Variants in GRIA2 observed in about 807,000 individuals in gnomAD.
The protein encoded by GRIA2 is glutamate ionotropic receptor AMPA type subunit 2.
GRIA2 carries 14 observed loss-of-function variants against 97.3 expected under a neutral mutation model. That is an observed-to-expected ratio of 0.14 (90% CI 0.10 to 0.23). GRIA2 has a LOEUF of 0.23. Ranked by LOEUF, GRIA2 falls within the 10% of genes least tolerant of loss-of-function variation. The pLI is 1.00. For missense variants in GRIA2, 558 were observed against 1,069.8 expected (o/e 0.52, Z 6.67); for synonymous variants, 412 against 387.8 (o/e 1.06, Z -0.73).
chr4:157,239,339 A>G (rs1730395117), intron 2 of GRIA2, among the ~76,000 whole-genome samples: 2 of 151,988 alleles, frequency 1.3e-5, no homozygotes, highest in South Asian at 4.2e-4. Flanking sequence ...GACTTTTTAA[A>G]AGGTACTGTT....
At chr4:157,261,983 G>A (rs1159849041) in intron 2 of GRIA2, among the ~76,000 whole-genome samples, 1 of 151,968 alleles carries the variant, frequency 6.6e-6, no homozygotes, top group Non-Finnish European at 1.5e-5. Flanking sequence ...ATGCTCAAAA[G>A]TTTTGATGAA....
intron 6 of GRIA2, among the ~76,000 whole-genome samples, chr4:157,322,709 G>T (rs1409001083): frequency 6.6e-6 from 1 of 152,136 alleles, no homozygotes; most frequent in African/African-American, 2.4e-5. Flanking sequence ...AAAATTAAGA[G>T]CAAAAGTTGA....
At chr4:157,312,332 T>C (rs1468163411) in intron 3 of GRIA2, among the ~76,000 whole-genome samples, 1 of 152,066 alleles carries the variant, frequency 6.6e-6, no homozygotes, top group African/African-American at 2.4e-5. Flanking sequence ...GAGTAAGAAA[T>C]GTTTGTGATG....
chr4:157,313,751 G>C (rs925637998), intron 4 of GRIA2, among the ~76,000 whole-genome samples: 1 of 151,800 alleles, frequency 6.6e-6, no homozygotes, highest in Admixed American at 6.6e-5. Context: ...GTATATGTGT[G>C]TGTATACATA....
At chr4:157,307,815 G>C (rs779099923) in intron 3 of GRIA2, among the ~76,000 whole-genome samples, 13 of 152,100 alleles carry the variant, frequency 8.5e-5, no homozygotes, top group Non-Finnish European at 1.6e-4. Context: ...TCCTCTGAAG[G>C]GAAGGCACTT....
At chr4:157,272,370 A>C (rs975643150) in intron 2 of GRIA2, among the ~76,000 whole-genome samples, 4 of 152,016 alleles carry the variant, frequency 2.6e-5, no homozygotes, top group Non-Finnish European at 5.9e-5. Flanking sequence ...CACCCCTAAA[A>C]CTGGAGAGAC....
intron 5 of GRIA2, among the ~76,000 whole-genome samples, chr4:157,320,140 C>T (rs916075622): frequency 6.6e-6 from 1 of 152,020 alleles, no homozygotes; most frequent in Non-Finnish European, 1.5e-5. Flanking sequence ...ATAGAAATCT[C>T]TAGCATTGAA....
intron 12 of GRIA2, among the ~76,000 whole-genome samples, chr4:157,358,074 T>G (rs2126994443): frequency 6.6e-6 from 1 of 152,300 alleles, no homozygotes; most frequent in Middle Eastern, 3.4e-3. Flanking sequence ...GTTCCAAAAT[T>G]GTGATATTGA....
rs565600424 is a variant in GRIA2 at position 157,324,292 on chromosome 4, G to A, written c.882+2693G>A. Among the ~76,000 whole-genome samples, 3 of 152,276 alleles carry A rather than the reference G, an allele frequency of 2.0e-5. No individual in the cohort carries two copies. The South Asian group carries it at 6.2e-4, about 32-fold the overall frequency. ...AATCTGTGAGGAGAATGTGTTTGGG[G>A]AGGAAGTTTATCCTAACAAAGAAAT... On this transcript the variant is annotated intron_variant, in intron 6 of 15. Coordinates refer to ENST00000264426, the MANE Select transcript of GRIA2 (RefSeq NM_001083619.3).
chr4:157,308,997 G>T (rs1291318493), intron 3 of GRIA2, among the ~76,000 whole-genome samples: 1 of 152,082 alleles, frequency 6.6e-6, no homozygotes, highest in Non-Finnish European at 1.5e-5. Flanking sequence ...TTGAGAGTCA[G>T]TTACTATTAC....
intron 2 of GRIA2, among the ~76,000 whole-genome samples, chr4:157,224,106 T>A (rs372569556): frequency 6.6e-6 from 1 of 152,180 alleles, no homozygotes; most frequent in East Asian, 1.9e-4. Flanking sequence ...ATTTAATTTG[T>A]CCATAGTTCT....
In GRIA2 at chr4:157,364,285, T is replaced by C. The variant is rs1431468649; in HGVS notation, c.*854T>C. Reference sequence around the variant, plus strand: ...TTGAAATAAACATTTTTCTATTGTTTTATTGCAAGTGGTCCAATTAATTTT... The same window carrying C: ...TTGAAATAAACATTTTTCTATTGTTCTATTGCAAGTGGTCCAATTAATTTT... On this transcript the variant is annotated 3_prime_UTR_variant, in exon 16 of 16. Transcript: ENST00000264426. 6.6e-6 allele frequency: 1 copy of C among 152,448 alleles called. No homozygotes were observed. Among genetic ancestry groups the C allele is most frequent in the African/African-American group, 2.4e-5 (1 of 41,430 alleles). The allele number at this position is 152,448 out of a possible 1,614,324, so 9.4% of individuals were successfully genotyped here. A position where few individuals can be genotyped will look rare whatever the true frequency, so the allele number is the denominator to read the frequency against.
At chr4:157,334,376 T>C (rs897414492) in intron 9 of GRIA2, 8 of 357,124 alleles carry the variant, frequency 2.2e-5, no homozygotes, top group South Asian at 6.8e-5. Context: ...CGGTGAACAA[T>C]TGGGGAATGT....
At chr4:157,290,282 C>T (rs1026473299) in intron 2 of GRIA2, among the ~76,000 whole-genome samples, 10 of 151,718 alleles carry the variant, frequency 6.6e-5, no homozygotes, top group African/African-American at 2.4e-4. Context: ...TAAAATTTTG[C>T]AAACAATTTG....
Position 157,321,589 on chromosome 4 carries a change from C to T in GRIA2, c.872C>T (p.Thr291Ile). The T allele has an allele frequency of 6.2e-7, 1 of 1,607,666 alleles. No homozygotes were observed. The highest frequency in any genetic ancestry group is 8.5e-7 in the Non-Finnish European group (1 of 1,176,278). Reference sequence around the variant, plus strand: ...AAAGAATACCCTGGAGCTCACACAACAACAATTAAGGTTTGCTTTGGTTTC... The same window carrying T: ...AAAGAATACCCTGGAGCTCACACAATAACAATTAAGGTTTGCTTTGGTTTC... Reference protein sequence around the residue: ...EEKEYPGAHTTTIKYTSALTY... With the variant: ...EEKEYPGAHTITIKYTSALTY... Residue 291 changes from threonine to isoleucine, a missense_variant, in exon 6 of 16, where the codon ACA becomes ATA. Thr to Ile is a moderately conservative substitution (Grantham distance 89, BLOSUM62 -1). This residue lies in a region of GRIA2 where 173 missense variants were observed against 209.1 expected (regional missense o/e 0.83). Transcript: ENST00000264426.
intron 6 of GRIA2, among the ~76,000 whole-genome samples, chr4:157,326,569 G>C (rs548719390): frequency 6.6e-6 from 1 of 152,228 alleles, no homozygotes. Flanking sequence ...CTAGAGGTAA[G>C]AAAAGGCTTC....
intron 14 of GRIA2, among the ~76,000 whole-genome samples, chr4:157,362,221 G>A (rs1233379042): frequency 6.6e-6 from 1 of 152,128 alleles, no homozygotes; most frequent in East Asian, 1.9e-4. Flanking sequence ...CCTACTTGGA[G>A]AGTGAGAATG....
rs1734557346 is a variant in GRIA2 at position 157,321,379 on chromosome 4, T to G, written c.721-59T>G. The G allele has an allele frequency of 6.7e-6, 8 of 1,189,986 alleles. No homozygotes were observed. The Admixed American group carries it at 1.6e-4, about 23-fold the overall frequency. The allele number at this position is 1,189,986 out of a possible 1,614,324, so 73.7% of individuals were successfully genotyped here. A position where few individuals can be genotyped will look rare whatever the true frequency, so the allele number is the denominator to read the frequency against. ...ACAATGTATAGAGTTATTTGGTAAA[T>G]GTTAAGTAGCATTTTGTTCTCAAAC... On this transcript the variant is annotated intron_variant, in intron 5 of 15. Coordinates refer to ENST00000264426, the MANE Select transcript of GRIA2 (RefSeq NM_001083619.3).
chr4:157,286,262 G>A (rs1379215830), intron 2 of GRIA2, among the ~76,000 whole-genome samples: 2 of 151,130 alleles, frequency 1.3e-5, no homozygotes, highest in African/African-American at 4.8e-5. Context: ...TATTTTTATG[G>A]TGCACAATAT....
Sources: gnomAD v4.1 joint callset for allele counts (sites outside exome capture counted in the v4.1 genomes callset) on GRCh38, gnomAD v4.1.1 for gene constraint, gnomAD v4.1.1 regional missense constraint, MANE v1.5 for transcripts, NCBI Gene and HGNC (gene_info 2026-07-23, HGNC 2026-07-21) for gene names.